CPD: variants seen among roughly 807,000 people sequenced by gnomAD.
CPD encodes carboxypeptidase D.
In CPD, 69 loss-of-function variants were observed where a neutral mutation model predicts 138.3. The observed-to-expected ratio is 0.50, with a 90% CI of 0.41 to 0.61. The LOEUF (loss-of-function observed/expected upper bound fraction) is 0.61, where lower values mean the gene tolerates loss of function less well. Ranked by LOEUF, CPD falls within the 20% of genes least tolerant of loss-of-function variation. CPD has a pLI of 0.00. For synonymous variants in CPD, 651 were observed against 642.1 expected (o/e 1.01, Z -0.21); for missense variants, 1,432 against 1,733.3 (o/e 0.83, Z 3.09).
chr17:30,385,503 T>TGCACACACACACACACACAC lies in CPD; in HGVS notation c.994+268_994+287dup, dbSNP rs761648136. Among the ~76,000 whole-genome samples the TGCACACACACACACACACAC allele has an allele frequency of 3.5e-3, 335 of 94,368 alleles. 3 individuals carry two copies. The highest frequency in any genetic ancestry group is 5.1e-3 in the Non-Finnish European group (261 of 51,680). The allele number at this position is 94,368 out of a possible 152,430, so 61.9% of individuals were successfully genotyped here. On this transcript the variant is annotated intron_variant, in intron 2 of 20. Transcript: ENST00000225719. Reference sequence around the variant, plus strand: ...CTCTCTACATGCACGTGTATGTGCATGCACACACACACACACACACACACA... The same window carrying TGCACACACACACACACACAC: ...CTCTCTACATGCACGTGTATGTGCATGCACACACACACACACACACGCACACACACACACACACACACACA...
intron 2 of CPD, among the ~76,000 whole-genome samples, chr17:30,405,295 G>A (rs182531643): frequency 1.3e-5 from 2 of 152,204 alleles, no homozygotes; most frequent in East Asian, 1.9e-4. Context: ...CTCAGTAAAT[G>A]GGCACTTTTC....
At position 30,383,983 on chromosome 17, in the gene CPD, T is replaced by G. The variant is rs191472656; in HGVS notation, c.747-1006T>G. On this transcript the variant is annotated intron_variant, in intron 1 of 20. Coordinates refer to ENST00000225719, the MANE Select transcript of CPD (RefSeq NM_001304.5). The stretch of plus-strand genomic sequence containing the variant: ...ACCATAAAAGGAATTCTTCAGTATT[T>G]CTATATAGATAAGTTTGACCAAATT... 2.6e-3 allele frequency among the ~76,000 whole-genome samples: 399 copies of G among 152,358 alleles called. 2 individuals carry two copies. Among genetic ancestry groups the G allele is most frequent in the Admixed American group, 5.6e-3 (85 of 15,296 alleles).
intron 7 of CPD, among the ~76,000 whole-genome samples, chr17:30,428,411 A>G (rs149360426): frequency 8.5e-5 from 13 of 152,356 alleles, no homozygotes; most frequent in Middle Eastern, 6.8e-3. Flanking sequence ...AGGATTATTC[A>G]CAATAACAAA....
intron 2 of CPD, among the ~76,000 whole-genome samples, chr17:30,387,294 T>C (rs527376989): frequency 2.0e-5 from 3 of 152,254 alleles, no homozygotes; most frequent in East Asian, 3.9e-4. Flanking sequence ...ATTTTTTGTA[T>C]TTTTAGTAGA....
At chr17:30,456,789 T>G in intron 17 of CPD, 1 of 300,304 alleles carries the variant, frequency 3.3e-6, no homozygotes, top group Non-Finnish European at 6.2e-6. Flanking sequence ...TTGCAGTGAG[T>G]CGAGCCGAGA....
intron 1 of CPD, chr17:30,380,557 C>T: frequency 6.7e-7 from 1 of 1,482,822 alleles, no homozygotes; most frequent in Admixed American, 2.3e-5. Flanking sequence ...TTAAGCATTG[C>T]ATGAGGTTTA....
At chr17:30,388,642 C>T (rs1176440096) in intron 2 of CPD, among the ~76,000 whole-genome samples, 1 of 152,150 alleles carries the variant, frequency 6.6e-6, no homozygotes, top group African/African-American at 2.4e-5. Context: ...CCTAGGAGGT[C>T]GGGGGACGCA....
intron 1 of CPD, chr17:30,380,651 G>T (rs1391105007): frequency 2.0e-6 from 3 of 1,503,268 alleles, no homozygotes; most frequent in Non-Finnish European, 2.7e-6. Context: ...AGGTATGTTG[G>T]TGTACCCAGT....
At position 30,464,695 on chromosome 17, in the gene CPD, G is replaced by C. The variant is rs947533958; in HGVS notation, c.4024G>C (p.Asp1342His). Residue 1342 changes from aspartate (D) to histidine (H), a missense_variant, in exon 21 of 21, where the codon GAT (aspartate) becomes CAT (histidine). Coordinates refer to ENST00000225719, the MANE Select transcript of CPD (RefSeq NM_001304.5). ...DGFHRLRQHHDEYEDEIRMMS... is the reference protein window; with the variant it reads ...DGFHRLRQHHHEYEDEIRMMS... ...CTTTCATCGGCTCAGGCAGCATCATGATGAGTATGAAGATGAAATTCGCAT... is the reference window on the plus strand; with the variant it reads ...CTTTCATCGGCTCAGGCAGCATCATCATGAGTATGAAGATGAAATTCGCAT... The C allele has an allele frequency of 3.7e-6, 6 of 1,613,886 alleles. No individual in the cohort carries two copies. The highest frequency in any genetic ancestry group is 1.3e-5 in the African/African-American group (1 of 74,896).
intron 13 of CPD, chr17:30,450,119 T>TATTTTTGGTAGAGACGG (rs1913129169): frequency 6.6e-6 from 1 of 151,078 alleles, no homozygotes; most frequent in African/African-American, 2.6e-5. Flanking sequence ...TGCAATGGCA[T>TATTTTTGGTAGAGACGG]GATCTCGGCT....
intron 2 of CPD, among the ~76,000 whole-genome samples, chr17:30,417,089 A>T (rs1351710023): frequency 6.6e-6 from 1 of 150,872 alleles, no homozygotes; most frequent in Non-Finnish European, 1.5e-5. Context: ...TGACAGAGTG[A>T]GACTCAGTCT....
intron 13 of CPD, among the ~76,000 whole-genome samples, chr17:30,450,750 T>C (rs546938967): frequency 3.9e-5 from 6 of 152,284 alleles, no homozygotes; most frequent in East Asian, 1.9e-4. Flanking sequence ...TCCTAGCTAC[T>C]TGGGACGCTA....
chr17:30,460,087 T>G (rs73277592), intron 17 of CPD, among the ~76,000 whole-genome samples: 2,005 of 152,306 alleles, frequency 0.013, 42 homozygotes, highest in African/African-American at 0.045. Flanking sequence ...CGTGAGAAAT[T>G]AAAGACACAA....
At chr17:30,420,225 TTG>T (rs1468062070) in intron 2 of CPD, among the ~76,000 whole-genome samples, 1 of 152,228 alleles carries the variant, frequency 6.6e-6, no homozygotes, top group African/African-American at 2.4e-5. Context: ...AAAGAATTTA[TTG>T]TGTCTTATTT....
intron 1 of CPD, among the ~76,000 whole-genome samples, chr17:30,382,826 G>A (rs1433757568): frequency 6.6e-6 from 1 of 152,136 alleles, no homozygotes; most frequent in Non-Finnish European, 1.5e-5. Flanking sequence ...ACTAGAATAT[G>A]AATGCCCAGA....
chr17:30,386,744 A>C (rs1911199878), intron 2 of CPD, among the ~76,000 whole-genome samples: 1 of 152,216 alleles, frequency 6.6e-6, no homozygotes, highest in African/African-American at 2.4e-5. Flanking sequence ...TTCTTAACAT[A>C]ATATTCTTAA....
At chr17:30,449,791 C>T (rs762586927) in intron 13 of CPD, 43 bp downstream of exon 13, 27 of 1,495,024 alleles carry the variant, frequency 1.8e-5, no homozygotes, top group Non-Finnish European at 1.9e-5. Context: ...AAGGAAAAAG[C>T]TCAACATTAA....
Position 30,445,909 on chromosome 17 carries a change from GC to G in CPD, c.2763del (p.Ser922ProfsTer22). The part of the protein sequence containing the change: ...AENGLESLML[R>X]SSSNLALALY... ...AATGGTTTGGAAAGCCTCATGTTAC[GC>G]TCCTCCTCAAATCTGGCTCTGGCTC... On this transcript the variant is annotated frameshift_variant, in exon 12 of 21. Transcript: ENST00000225719. LOFTEE classifies it high-confidence loss of function. The G allele has an allele frequency of 6.2e-7, 1 of 1,614,064 alleles. No homozygotes were observed. The highest frequency in any genetic ancestry group is 8.5e-7 in the Non-Finnish European group (1 of 1,179,988).
In CPD at chr17:30,379,796, A is replaced by G. The variant is rs111266957; in HGVS notation, c.746+70A>G. ...GCCGAGGCTGGTTCCGGCACCCAGT[A>G]GGCGCTCAGACAATGCTGGCATAAG... On this transcript the variant is annotated intron_variant, in intron 1 of 20. Transcript: ENST00000225719. The surrounding 1 kb of genome is among the most constrained non-coding windows in gnomAD (Gnocchi z 7.0). 2,981 of 1,127,590 alleles carry G rather than the reference A, an allele frequency of 2.6e-3. 57 individuals carry two copies. In the African/African-American group the frequency reaches 0.044, roughly 17 times the overall value. The allele number at this position is 1,127,590 out of a possible 1,614,324, so 69.8% of individuals were successfully genotyped here. A position where few individuals can be genotyped will look rare whatever the true frequency, so the allele number is the denominator to read the frequency against.
Sources: allele counts gnomAD v4.1 joint callset (sites outside exome capture counted in the v4.1 genomes callset), GRCh38; gene constraint gnomAD v4.1.1; non-coding constraint Gnocchi (gnomAD v3.1); transcripts MANE v1.5; gene names NCBI Gene and HGNC (gene_info 2026-07-23, HGNC 2026-07-21).